HS6ST3: variants seen among roughly 807,000 people sequenced by gnomAD.
HS6ST3 encodes heparan-sulfate 6-O-sulfotransferase 3.
Under a neutral mutation model 36.7 loss-of-function variants are expected in HS6ST3, and 12 were observed. The observed-to-expected ratio is 0.33, with a 90% confidence interval of 0.21 to 0.53. The LOEUF (loss-of-function observed/expected upper bound fraction) is 0.53. Among genes scored for constraint, HS6ST3 ranks in the 20% least tolerant of loss-of-function variants. HS6ST3 has a pLI of 0.95. For synonymous variants in HS6ST3, 240 were observed against 257.5 expected (o/e 0.93, Z 0.65); for missense variants, 584 against 640.9 (o/e 0.91, Z 0.96).
chr13:96,636,419 C>T (rs2056549982), intron 1 of HS6ST3, among the ~76,000 whole-genome samples: 1 of 152,114 alleles, frequency 6.6e-6, no homozygotes, highest in Non-Finnish European at 1.5e-5. Flanking sequence ...AAGTTGCCCA[C>T]ACAGGGCTGA....
At chr13:96,211,831 CACTT>C (rs1334274629) in intron 1 of HS6ST3, among the ~76,000 whole-genome samples, 4 of 152,200 alleles carry the variant, frequency 2.6e-5, no homozygotes, top group African/African-American at 9.6e-5. Flanking sequence ...GCTTTTCTCT[CACTT>C]ACCCTCCTTT....
intron 1 of HS6ST3, among the ~76,000 whole-genome samples, chr13:96,284,179 G>A (rs2054788895): frequency 6.6e-6 from 1 of 152,090 alleles, no homozygotes; most frequent in African/African-American, 2.4e-5. Flanking sequence ...TTGATGTTTT[G>A]GTTGTGTATG....
rs766054905 is a variant in HS6ST3 at position 96,638,708 on chromosome 13, G to A, written c.708-193782G>A. 8.6e-5 allele frequency among the ~76,000 whole-genome samples: 13 copies of A among 151,750 alleles called. No homozygotes were observed. The East Asian group carries it at 2.5e-3, about 29-fold the overall frequency. Reference sequence around the variant, plus strand: ...CCACCATGATTGTTAAGTTTCCTGAGACCTCCCCAGCCCAGCGGAACTATG... The same window carrying A: ...CCACCATGATTGTTAAGTTTCCTGAAACCTCCCCAGCCCAGCGGAACTATG... On this transcript the variant is annotated intron_variant, in intron 1 of 1. Coordinates refer to ENST00000376705, the MANE Select transcript of HS6ST3 (RefSeq NM_153456.4).
intron 1 of HS6ST3, among the ~76,000 whole-genome samples, chr13:96,757,470 T>C (rs1216600140): frequency 6.6e-6 from 1 of 152,218 alleles, no homozygotes; most frequent in Non-Finnish European, 1.5e-5. Context: ...CTGAGGTTTT[T>C]TTTAAATATA....
At chr13:96,786,546 G>A (rs2138517350) in intron 1 of HS6ST3, among the ~76,000 whole-genome samples, 1 of 152,138 alleles carries the variant, frequency 6.6e-6, no homozygotes, top group South Asian at 2.1e-4. Context: ...ATTCAGGCTT[G>A]CCCCTAAATC....
intron 1 of HS6ST3, among the ~76,000 whole-genome samples, chr13:96,142,618 G>T (rs1418131408): frequency 6.6e-6 from 1 of 152,036 alleles, no homozygotes; most frequent in East Asian, 1.9e-4. Context: ...ATTTTCCTGT[G>T]GCAAAAAGGT....
chr13:96,320,813 G>A (rs535381770), intron 1 of HS6ST3, among the ~76,000 whole-genome samples: 1 of 152,316 alleles, frequency 6.6e-6, no homozygotes, highest in South Asian at 2.1e-4. Flanking sequence ...GAGACGTTGG[G>A]TCAGTCTGTT....
At chr13:96,811,141 G>T (rs1230680262) in intron 1 of HS6ST3, among the ~76,000 whole-genome samples, 1 of 152,168 alleles carries the variant, frequency 6.6e-6, no homozygotes, top group Non-Finnish European at 1.5e-5. Context: ...TTTTACTGAT[G>T]TAAAACCAAC....
At chr13:96,426,531 A>G (rs144622365) in intron 1 of HS6ST3, among the ~76,000 whole-genome samples, 56 of 152,330 alleles carry the variant, frequency 3.7e-4, no homozygotes, top group Non-Finnish European at 3.7e-4. Flanking sequence ...TTTATTTTCA[A>G]TTAGAGTCTT....
At chr13:96,145,764 T>C (rs1317260922) in intron 1 of HS6ST3, among the ~76,000 whole-genome samples, 1 of 152,198 alleles carries the variant, frequency 6.6e-6, no homozygotes, top group Non-Finnish European at 1.5e-5. Flanking sequence ...CTAGGTTTTC[T>C]TCTAGGGTTT....
intron 1 of HS6ST3, among the ~76,000 whole-genome samples, chr13:96,650,471 G>A (rs976754956): frequency 6.6e-6 from 1 of 151,914 alleles, no homozygotes; most frequent in South Asian, 2.1e-4. Flanking sequence ...GGGACTCAAG[G>A]AATAAGGTAC....
At chr13:96,608,900 G>A (rs540169873) in intron 1 of HS6ST3, among the ~76,000 whole-genome samples, 93 of 152,204 alleles carry the variant, frequency 6.1e-4, no homozygotes, top group Middle Eastern at 6.8e-3. Flanking sequence ...AATTCATTAA[G>A]CCATACATCT....
intron 1 of HS6ST3, among the ~76,000 whole-genome samples, chr13:96,196,083 A>C (rs542851226): frequency 6.6e-6 from 1 of 152,218 alleles, no homozygotes; most frequent in South Asian, 2.1e-4. Context: ...CTCTTACAGT[A>C]TGTTCCTGAG....
intron 1 of HS6ST3, among the ~76,000 whole-genome samples, chr13:96,378,135 A>G (rs747054525): frequency 1.3e-5 from 2 of 152,178 alleles, no homozygotes; most frequent in Non-Finnish European, 2.9e-5. Context: ...TGATTGAAGA[A>G]TGCTATTGAA....
chr13:96,238,214 C>A (rs2054543665), intron 1 of HS6ST3, among the ~76,000 whole-genome samples: 1 of 152,124 alleles, frequency 6.6e-6, no homozygotes, highest in Non-Finnish European at 1.5e-5. Flanking sequence ...CAATTTGTCA[C>A]CAAAATCTAT....
intron 1 of HS6ST3, among the ~76,000 whole-genome samples, chr13:96,284,624 A>G (rs1015368041): frequency 1.3e-5 from 2 of 152,260 alleles, no homozygotes; most frequent in African/African-American, 2.4e-5. Context: ...TCCTTTGGCA[A>G]CACCTCACAG....
chr13:96,681,025 GT>G (rs1371254629), intron 1 of HS6ST3, among the ~76,000 whole-genome samples: 1 of 152,128 alleles, frequency 6.6e-6, no homozygotes, highest in East Asian at 1.9e-4. Flanking sequence ...ATCATAAGTT[GT>G]TTTTTCCTAA....
intron 1 of HS6ST3, among the ~76,000 whole-genome samples, chr13:96,704,543 A>C (rs542157825): frequency 6.6e-6 from 1 of 152,312 alleles, no homozygotes; most frequent in Non-Finnish European, 1.5e-5. Context: ...AGTATGTCTA[A>C]AAATTCAATA....
At chr13:96,533,686 C>A (rs1594801419) in intron 1 of HS6ST3, among the ~76,000 whole-genome samples, 1 of 152,140 alleles carries the variant, frequency 6.6e-6, no homozygotes, top group African/African-American at 2.4e-5. Flanking sequence ...GCCGCGGAAG[C>A]CATCAAACAT....
Sources: gnomAD v4.1 joint callset for allele counts (sites outside exome capture counted in the v4.1 genomes callset) on GRCh38, gnomAD v4.1.1 for gene constraint, MANE v1.5 for transcripts, NCBI Gene and HGNC (gene_info 2026-07-23, HGNC 2026-07-21) for gene names.